Variants in DOCK3 observed in about 807,000 individuals in gnomAD.
DOCK3 encodes dedicator of cytokinesis protein 3.
In DOCK3, 60 loss-of-function variants were observed where a neutral mutation model predicts 265.6. The observed-to-expected ratio is 0.23, with a 90% CI of 0.18 to 0.28. The LOEUF (loss-of-function observed/expected upper bound fraction) is 0.28, where lower values mean the gene tolerates loss of function less well. Among genes scored for constraint, DOCK3 ranks in the 10% least tolerant of loss-of-function variants. DOCK3 has a pLI of 1.00. For synonymous variants in DOCK3, 881 were observed against 938.0 expected (o/e 0.94, Z 1.11); for missense variants, 1,981 against 2,594.3 (o/e 0.76, Z 5.14).
At chr3:51,105,817 G>A (rs2083258666) in intron 9 of DOCK3, among the ~76,000 whole-genome samples, 1 of 152,180 alleles carries the variant, frequency 6.6e-6, no homozygotes, top group Non-Finnish European at 1.5e-5. Context: ...ATTGAAGGGG[G>A]AAGAAGCTGG....
intron 1 of DOCK3, among the ~76,000 whole-genome samples, chr3:50,769,967 T>G (rs1471223531): frequency 6.6e-6 from 1 of 152,028 alleles, no homozygotes; most frequent in Non-Finnish European, 1.5e-5. Context: ...AAAAAACTAT[T>G]AAAACTAAGA....
chr3:50,858,116 A>T (rs970049055), intron 3 of DOCK3, among the ~76,000 whole-genome samples: 1 of 152,214 alleles, frequency 6.6e-6, no homozygotes, highest in African/African-American at 2.4e-5. Flanking sequence ...GGATGGGTTC[A>T]TGTCCTTTGC....
intron 5 of DOCK3, among the ~76,000 whole-genome samples, chr3:50,970,886 AATTTTTATATATAT>A (rs2077182294): frequency 2.7e-5 from 1 of 37,082 alleles, no homozygotes; most frequent in Non-Finnish European, 5.0e-5. Context: ...ACACTCATCT[AATTTTTATATATAT>A]ATATATATAT....
At chr3:50,816,942 A>G (rs1482704106) in intron 2 of DOCK3, among the ~76,000 whole-genome samples, 1 of 152,190 alleles carries the variant, frequency 6.6e-6, no homozygotes, top group African/African-American at 2.4e-5. Context: ...ATCTTGTGCA[A>G]GAAAGAATTC....
rs768294241 is a variant in DOCK3 at position 51,361,820 on chromosome 3, T to C, written c.5007-39T>C. ...TCTACTGTCCCCCTGCCACCTGCCA[T>C]GGGCCTGACTCCTCCCTATTTCCCA... On this transcript the variant is annotated intron_variant, in intron 47 of 52. Transcript: ENST00000266037. This position sits in a 1 kb window ranked among gnomAD's most constrained non-coding sequence, Gnocchi z 4.2. The C allele has an allele frequency of 5.0e-6, 8 of 1,601,096 alleles. No homozygotes were observed. Among genetic ancestry groups the C allele is most frequent in the Non-Finnish European group, 6.8e-6 (8 of 1,173,480 alleles).
At chr3:51,293,955 G>C (rs531154044) in intron 27 of DOCK3, among the ~76,000 whole-genome samples, 7 of 152,298 alleles carry the variant, frequency 4.6e-5, no homozygotes, top group African/African-American at 1.7e-4. Flanking sequence ...GATAACTGTT[G>C]GTGAGGATAT....
intron 35 of DOCK3, among the ~76,000 whole-genome samples, chr3:51,336,375 A>T (rs1464015621): frequency 1.3e-5 from 2 of 151,764 alleles, no homozygotes; most frequent in East Asian, 3.9e-4. Flanking sequence ...ACAGGGACAG[A>T]GCTAGAGTTG....
At chr3:50,760,201 A>G (rs999454753) in intron 1 of DOCK3, among the ~76,000 whole-genome samples, 1 of 152,124 alleles carries the variant, frequency 6.6e-6, no homozygotes, top group African/African-American at 2.4e-5. Flanking sequence ...GGTCCATCCA[A>G]CTTTATTCTT....
At chr3:50,794,161 C>A (rs1182057404) in intron 2 of DOCK3, among the ~76,000 whole-genome samples, 1 of 152,070 alleles carries the variant, frequency 6.6e-6, no homozygotes, top group African/African-American at 2.4e-5. Flanking sequence ...AGTATGTGGT[C>A]AATTTTAGAA....
intron 23 of DOCK3, 109 bp downstream of exon 23, chr3:51,260,435 T>C: frequency 7.8e-7 from 1 of 1,274,884 alleles, no homozygotes; most frequent in Non-Finnish European, 1.0e-6. Flanking sequence ...ATCATGTGTG[T>C]TGGGTAAGGG....
At chr3:51,338,281 C>T (rs912701760) in intron 35 of DOCK3, 78 bp from the exon 36 acceptor site, 103 of 1,492,432 alleles carry the variant, frequency 6.9e-5, no homozygotes, top group South Asian at 1.2e-4. Flanking sequence ...ATACTAATGC[C>T]CCAGTGATAG....
chr3:51,053,100 T>TAG lies in DOCK3; in HGVS notation c.316-11347_316-11346insGA, dbSNP rs2081062575. The stretch of plus-strand genomic sequence containing the variant: ...AAAGATATATATATATATATATATA[T>TAG]ATATATATATATATATATATATGGA... On this transcript the variant is annotated intron_variant, in intron 5 of 52. Transcript: ENST00000266037. 2.1e-5 allele frequency among the ~76,000 whole-genome samples: 2 copies of TAG among 94,732 alleles called. 1 individual carries two copies. Among genetic ancestry groups the TAG allele is most frequent in the African/African-American group, 7.0e-5 (2 of 28,418 alleles). The allele number at this position is 94,732 out of a possible 152,430, so 62.1% of individuals were successfully genotyped here.
chr3:50,947,691 G>C (rs2076463047), intron 5 of DOCK3, among the ~76,000 whole-genome samples: 1 of 151,954 alleles, frequency 6.6e-6, no homozygotes, highest in African/African-American at 2.4e-5. Context: ...GCACACTAAA[G>C]GCTAGACAAC....
chr3:51,304,396 T>G (rs578086225), intron 27 of DOCK3, among the ~76,000 whole-genome samples: 1 of 151,988 alleles, frequency 6.6e-6, no homozygotes, highest in Non-Finnish European at 1.5e-5. Flanking sequence ...AGCAGGCAGC[T>G]ATAGTGATGA....
At chr3:50,851,173 C>G (rs1357854384) in intron 3 of DOCK3, among the ~76,000 whole-genome samples, 1 of 152,146 alleles carries the variant, frequency 6.6e-6, no homozygotes, top group Non-Finnish European at 1.5e-5. Context: ...TGAGGGTGGC[C>G]TAAACTCCTA....
chr3:51,220,556 C>T lies in DOCK3; in HGVS notation c.1253-5093C>T, dbSNP rs558720386. Among the ~76,000 whole-genome samples the T allele has an allele frequency of 1.5e-4, 22 of 150,924 alleles. No homozygotes were observed. The South Asian group carries it at 4.6e-3, about 32-fold the overall frequency. On this transcript the variant is annotated intron_variant, in intron 14 of 52. Coordinates refer to ENST00000266037, the MANE Select transcript of DOCK3 (RefSeq NM_004947.5). ...CCTTTAATCCCAGCTACTCAGGAGG[C>T]TGAGGCTGGAGAATCGCTTGAACCC...
rs1209964196 is a variant in DOCK3, at chr3:50,965,937, G to C, written c.315+31860G>C. Among the ~76,000 whole-genome samples, 4 of 152,034 alleles carry C rather than the reference G, an allele frequency of 2.6e-5. No individual in the cohort carries two copies. The East Asian group carries it at 7.7e-4, about 29-fold the overall frequency. ...GTGCATTAGATCCCTAGAACTTGTT[G>C]ATCTTAGAACTGAAAGTTTGTATCC... On this transcript the variant is annotated intron_variant, in intron 5 of 52. Transcript: ENST00000266037.
chr3:51,263,249 G>C (rs934221249), intron 23 of DOCK3, among the ~76,000 whole-genome samples: 21 of 152,314 alleles, frequency 1.4e-4, no homozygotes, highest in Middle Eastern at 3.4e-3. Flanking sequence ...AACCAGAAGA[G>C]AGTGGGGGCC....
chr3:51,227,190 CT>C, intron 15 of DOCK3, 92 bp from the exon 16 acceptor site: 1 of 1,466,336 alleles, frequency 6.8e-7, no homozygotes, highest in Non-Finnish European at 9.2e-7. Context: ...AAAATGAGAC[CT>C]TTAGACAAGA....
Sources: allele counts gnomAD v4.1 joint callset (sites outside exome capture counted in the v4.1 genomes callset), GRCh38; gene constraint gnomAD v4.1.1; non-coding constraint Gnocchi (gnomAD v3.1); transcripts MANE v1.5; gene names NCBI Gene and HGNC (gene_info 2026-07-23, HGNC 2026-07-21).